Variants in RAI1 observed in about 807,000 individuals in gnomAD.
RAI1 encodes retinoic acid-induced protein 1.
Under a neutral mutation model 123.8 loss-of-function variants are expected in RAI1, and 9 were observed. The ratio of observed to expected loss-of-function variants is 0.07; its 90% CI spans 0.04 to 0.13. The LOEUF is 0.13. Among genes scored for constraint, RAI1 ranks in the 10% least tolerant of loss-of-function variants. The pLI is 1.00. For synonymous variants in RAI1, 1,231 were observed against 1,127.3 expected (o/e 1.09, Z -1.84); for missense variants, 2,256 against 2,545.8 (o/e 0.89, Z 2.45).
At chr17:17,689,572 G>C (rs1305603516) in intron 1 of RAI1, among the ~76,000 whole-genome samples, 2 of 152,224 alleles carry the variant, frequency 1.3e-5, no homozygotes, top group Middle Eastern at 3.4e-3. Context: ...AGAACACCAG[G>C]GTACTGAGAA....
In RAI1 at chr17:17,782,899, C is replaced by T. The variant is rs904441681; in HGVS notation, c.-16-10034C>T. ...TTACCGAGGCGTGGGGAGGGAGCTG[C>T]GGAGGCCGTACGCCCCGCCCTGCGC... On this transcript the variant is annotated intron_variant, in intron 2 of 5. Coordinates refer to ENST00000353383, the MANE Select transcript of RAI1 (RefSeq NM_030665.4). Among the ~76,000 whole-genome samples the T allele has an allele frequency of 9.8e-5, 15 of 152,320 alleles. No homozygotes were observed. The East Asian group carries it at 2.9e-3, about 29-fold the overall frequency.
At chr17:17,758,134 C>T (rs960929514) in intron 2 of RAI1, among the ~76,000 whole-genome samples, 2 of 152,204 alleles carry the variant, frequency 1.3e-5, no homozygotes, top group African/African-American at 2.4e-5. Context: ...CCCCTCCGAG[C>T]GTTTTACATA....
intron 2 of RAI1, among the ~76,000 whole-genome samples, chr17:17,754,511 T>C (rs540720126): frequency 1.3e-5 from 2 of 152,266 alleles, no homozygotes; most frequent in South Asian, 2.1e-4. Context: ...GCTGGGATTA[T>C]AGGCATGAGC....
chr17:17,699,734 G>A (rs1231687735), intron 1 of RAI1, among the ~76,000 whole-genome samples: 4 of 152,154 alleles, frequency 2.6e-5, no homozygotes, highest in African/African-American at 4.8e-5. Flanking sequence ...TGCTTCCCCC[G>A]GCCACAGTTG....
chr17:17,695,962 T>G (rs942340474), intron 1 of RAI1, among the ~76,000 whole-genome samples: 1 of 152,164 alleles, frequency 6.6e-6, no homozygotes, highest in Admixed American at 6.5e-5. Flanking sequence ...CCTCGCGCCT[T>G]TCTCCCTCCT....
In RAI1 at chr17:17,797,110, G is replaced by A. The variant is rs753863836; in HGVS notation, c.4162G>A (p.Gly1388Arg). The A allele has an allele frequency of 1.1e-5, 17 of 1,613,906 alleles. No homozygotes were observed. The highest frequency in any genetic ancestry group is 1.4e-5 in the Non-Finnish European group (16 of 1,180,050). Residue 1388 changes from glycine to arginine, a missense_variant, in exon 3 of 6, where the codon GGG becomes AGG. Coordinates refer to ENST00000353383, the MANE Select transcript of RAI1 (RefSeq NM_030665.4). Reference protein sequence around the residue: ...VEEGLVNVGTGQKLPTSGADP... With the variant: ...VEEGLVNVGTRQKLPTSGADP... ...AGAAGGCCTGGTAAATGTGGGCACC[G>A]GGCAGAAGCTCCCAACTTCTGGGGC... is the stretch of plus-strand genomic sequence containing the variant.
intron 2 of RAI1, among the ~76,000 whole-genome samples, chr17:17,774,479 C>T (rs2031268236): frequency 6.6e-6 from 1 of 152,258 alleles, no homozygotes; most frequent in South Asian, 2.1e-4. Context: ...CAAGTCTTTT[C>T]CTCCCAACAT....
intron 1 of RAI1, among the ~76,000 whole-genome samples, chr17:17,689,540 C>T (rs568663966): frequency 6.6e-5 from 10 of 152,248 alleles, no homozygotes; most frequent in African/African-American, 2.2e-4. Flanking sequence ...CTCATTCATT[C>T]GTTCATTTAT....
rs756134541 is a variant in RAI1, at chr17:17,794,706, G to T, written c.1758G>T (p.Lys586Asn). 1 of 1,612,854 alleles carries T rather than the reference G, an allele frequency of 6.2e-7. No homozygotes were observed. Among genetic ancestry groups the T allele is most frequent in the East Asian group, 2.2e-5 (1 of 44,900 alleles). The part of the protein sequence containing the change: ...HGSLPLDSFS[K>N]FVAGERDCPR... ...GTCTGCCGCTCGACAGCTTCTCCAA[G>T]TTCGTGGCGGGTGAGCGGGACTGTC... The change falls in exon 3 of 6, where the codon AAG becomes AAT. Residue 586 changes from lysine to asparagine, a missense_variant. Lys to Asn is a moderately conservative substitution (Grantham distance 94). Around this residue, in one of 7 missense-constraint regions of RAI1, gnomAD observed 357 missense variants for 480.2 expected, o/e 0.74. Transcript: ENST00000353383.
chr17:17,792,387 A>G (rs1020190506), intron 2 of RAI1, among the ~76,000 whole-genome samples: 1 of 152,022 alleles, frequency 6.6e-6, no homozygotes, highest in Non-Finnish European at 1.5e-5. Context: ...GCGTGGGGAC[A>G]GGGGCAGACC....
chr17:17,736,239 C>T (rs748793641), intron 2 of RAI1, among the ~76,000 whole-genome samples: 1 of 152,176 alleles, frequency 6.6e-6, no homozygotes, highest in Non-Finnish European at 1.5e-5. Flanking sequence ...CCCACCGCCT[C>T]TGTCCTGGTT....
At chr17:17,687,417 G>A (rs536572690) in intron 1 of RAI1, among the ~76,000 whole-genome samples, 5 of 152,140 alleles carry the variant, frequency 3.3e-5, no homozygotes, top group African/African-American at 1.2e-4. Flanking sequence ...TTGGGCATGA[G>A]AAACCAGGGA....
rs1436930314 is a variant in RAI1, at chr17:17,681,797, A to T, written c.-149+4A>T. 9.4e-6 allele frequency: 3 copies of T among 318,526 alleles called. No homozygotes were observed. The highest frequency in any genetic ancestry group is 5.0e-5 in the Admixed American group (1 of 19,992). 19.7% of individuals were successfully genotyped at this position (318,526 alleles called of 1,614,324 possible). A position where few individuals can be genotyped will look rare whatever the true frequency, so the allele number is the denominator to read the frequency against. On this transcript the variant is annotated splice_donor_region_variant and intron_variant, in intron 1 of 5. Transcript: ENST00000353383. The stretch of plus-strand genomic sequence containing the variant: ...CCGAGTGAGCGCGGGCGCCGAGGTG[A>T]GCAGCGAGCGCCGGGGCGCGGGGGG...
At chr17:17,778,509 C>T in intron 2 of RAI1, 1 of 347,844 alleles carries the variant, frequency 2.9e-6, no homozygotes, top group Non-Finnish European at 5.7e-6. Flanking sequence ...CCCAAGGTCA[C>T]CCAGCATATA....
Position 17,695,737 on chromosome 17 carries a change from G to C in RAI1, c.-149+13944G>C, listed in dbSNP as rs374747027. ...AGGTTTCACCTCGTTGGCCAGGCTG[G>C]TTCCAAACTCCTGACCTCAAGTAAT... On this transcript the variant is annotated intron_variant, in intron 1 of 5. Coordinates refer to ENST00000353383, the MANE Select transcript of RAI1 (RefSeq NM_030665.4). 2.1e-4 allele frequency among the ~76,000 whole-genome samples: 32 copies of C among 152,216 alleles called. No individual in the cohort carries two copies. The East Asian group carries it at 3.9e-3, about 18-fold the overall frequency.
At chr17:17,792,765 A>G (rs1371145025) in intron 2 of RAI1, among the ~76,000 whole-genome samples, 168 bp from the exon 3 acceptor site, 1 of 124,114 alleles carries the variant, frequency 8.1e-6, no homozygotes, top group Non-Finnish European at 1.6e-5. Flanking sequence ...CGAAGGGGGG[A>G]CTATTAAGAG....
intron 2 of RAI1, among the ~76,000 whole-genome samples, chr17:17,784,822 G>A (rs2031767143): frequency 6.6e-6 from 1 of 152,280 alleles, no homozygotes; most frequent in East Asian, 1.9e-4. Flanking sequence ...TGCAGCAGCC[G>A]GGCCACTTGA....
intron 1 of RAI1, among the ~76,000 whole-genome samples, chr17:17,713,469 A>T (rs952582957): frequency 6.6e-6 from 1 of 152,082 alleles, no homozygotes; most frequent in Non-Finnish European, 1.5e-5. Flanking sequence ...GTAAAACCCC[A>T]TCTCTACTGA....
chr17:17,799,645 C>T lies in RAI1; in HGVS notation c.5565+1132C>T, dbSNP rs760646394. Among the ~76,000 whole-genome samples, 6 of 152,192 alleles carry T rather than the reference C, an allele frequency of 3.9e-5. No individual in the cohort carries two copies. Among genetic ancestry groups the T allele is most frequent in the African/African-American group, 7.2e-5 (3 of 41,448 alleles). On this transcript the variant is annotated intron_variant, in intron 3 of 5. Transcript: ENST00000353383. The surrounding 1 kb of genome is among the most constrained non-coding windows in gnomAD (Gnocchi z 4.5). ...ACTCCTTCCTTCAACCCACTATGTGCGGCTGAGGTCACAGGGGAGCCAGAG... is the reference window on the plus strand; with the variant it reads ...ACTCCTTCCTTCAACCCACTATGTGTGGCTGAGGTCACAGGGGAGCCAGAG...
Sources: allele counts gnomAD v4.1 joint callset (sites outside exome capture counted in the v4.1 genomes callset), GRCh38; gene constraint gnomAD v4.1.1; regional missense constraint gnomAD v4.1.1; non-coding constraint Gnocchi (gnomAD v3.1); transcripts MANE v1.5; gene names NCBI Gene and HGNC (gene_info 2026-07-23, HGNC 2026-07-21).